The following PDE4B variants were observed in gnomAD, a reference collection of about 807,000 sequenced individuals.
PDE4B encodes 3',5'-cyclic-AMP phosphodiesterase 4B.
Under a neutral mutation model 82.2 loss-of-function variants are expected in PDE4B, and 20 were observed. The ratio of observed to expected loss-of-function variants is 0.24; its 90% CI spans 0.17 to 0.35. The LOEUF is 0.35. Among genes scored for constraint, PDE4B ranks in the 10% least tolerant of loss-of-function variants. The pLI is 1.00. For synonymous variants in PDE4B, 320 were observed against 318.9 expected, an observed-to-expected ratio of 1.00 and a Z score of -0.04; for missense variants, 655 against 907.2, an observed-to-expected ratio of 0.72 and a Z score of 3.57.
chr1:66,022,285 T>C (rs1392954552), intron 3 of PDE4B, among the ~76,000 whole-genome samples: 4 of 152,164 alleles, frequency 2.6e-5, no homozygotes, highest in Admixed American at 6.5e-5. Context: ...CTTTTCCTAA[T>C]TGAATACCCT....
intron 3 of PDE4B, among the ~76,000 whole-genome samples, chr1:65,988,374 T>TTA (rs930177898): frequency 1.3e-4 from 20 of 152,164 alleles, no homozygotes; most frequent in Non-Finnish European, 2.1e-4. Flanking sequence ...GTTGCTGTAG[T>TTA]TATATATAAC....
chr1:66,192,863 C>T (rs532040701), intron 3 of PDE4B, among the ~76,000 whole-genome samples: 114 of 152,204 alleles, frequency 7.5e-4, no homozygotes, highest in Middle Eastern at 3.4e-3. Flanking sequence ...CTGTGTTAAG[C>T]ACCAAACATA....
intron 3 of PDE4B, among the ~76,000 whole-genome samples, chr1:66,055,947 A>G (rs1295813495): frequency 6.6e-6 from 1 of 152,206 alleles, no homozygotes; most frequent in Non-Finnish European, 1.5e-5. Flanking sequence ...TTTCAACAGA[A>G]CTACCACTTT....
intron 1 of PDE4B, among the ~76,000 whole-genome samples, chr1:65,890,178 CTTATT>C (rs57639895): frequency 0.15 from 22,545 of 150,596 alleles, 1,962 homozygotes; most frequent in South Asian, 0.21. Context: ...ATTATCTTTG[CTTATT>C]TTAAAGTTTT....
At chr1:66,243,485 C>T (rs1653050056) in intron 3 of PDE4B, among the ~76,000 whole-genome samples, 1 of 152,134 alleles carries the variant, frequency 6.6e-6, no homozygotes, top group Admixed American at 6.5e-5. Context: ...AGAATTAAAA[C>T]AGAATTGCAA....
chr1:66,371,094 C>CTATATATATATATATATATA (rs557320202), intron 16 of PDE4B, among the ~76,000 whole-genome samples: 2 of 74,838 alleles, frequency 2.7e-5, no homozygotes, highest in African/African-American at 3.9e-5. Context: ...ACACATCATA[C>CTATATATATATATATATATA]TATATATATA....
intron 3 of PDE4B, among the ~76,000 whole-genome samples, chr1:66,165,794 T>G (rs1646717719): frequency 1.3e-5 from 2 of 152,112 alleles, no homozygotes; most frequent in South Asian, 4.1e-4. Context: ...AAGACTCAAA[T>G]TTTAAGATGG....
At chr1:66,036,197 T>G (rs1654051543) in intron 3 of PDE4B, among the ~76,000 whole-genome samples, 1 of 152,228 alleles carries the variant, frequency 6.6e-6, no homozygotes, top group African/African-American at 2.4e-5. Flanking sequence ...TTGAGTAGTT[T>G]GAGTTCCCTG....
At chr1:65,801,157 G>C (rs1211729227) in intron 1 of PDE4B, among the ~76,000 whole-genome samples, 1 of 152,100 alleles carries the variant, frequency 6.6e-6, no homozygotes, top group East Asian at 1.9e-4. Context: ...CATAGAGCAT[G>C]GATGATCCTG....
chr1:66,235,014 A>G (rs1012422880), intron 3 of PDE4B, among the ~76,000 whole-genome samples: 1 of 152,128 alleles, frequency 6.6e-6, no homozygotes, highest in Admixed American at 6.5e-5. Flanking sequence ...TCTTTAGCTC[A>G]TGAGTTGTTT....
intron 3 of PDE4B, among the ~76,000 whole-genome samples, chr1:66,038,558 A>T (rs1189617880): frequency 1.3e-5 from 2 of 152,154 alleles, no homozygotes; most frequent in African/African-American, 4.8e-5. Context: ...TATGGAGGAA[A>T]AAAAGATATC....
intron 3 of PDE4B, among the ~76,000 whole-genome samples, chr1:66,006,508 G>A (rs1652159191): frequency 6.6e-6 from 1 of 152,172 alleles, no homozygotes; most frequent in African/African-American, 2.4e-5. Context: ...CCACTTGGGA[G>A]GCTGAGGCGA....
chr1:65,995,000 A>G (rs1419804786), intron 3 of PDE4B, among the ~76,000 whole-genome samples: 1 of 152,200 alleles, frequency 6.6e-6, no homozygotes, highest in Non-Finnish European at 1.5e-5. Flanking sequence ...GAACAATTAA[A>G]TGGTATCTGA....
intron 3 of PDE4B, among the ~76,000 whole-genome samples, chr1:66,074,447 G>T (rs530900663): frequency 9.9e-5 from 15 of 152,182 alleles, no homozygotes; most frequent in Non-Finnish European, 1.6e-4. Flanking sequence ...AGTCCTATGA[G>T]CAATGCCTTT....
intron 3 of PDE4B, among the ~76,000 whole-genome samples, chr1:65,987,199 T>A (rs559952987): frequency 2.0e-5 from 3 of 152,226 alleles, no homozygotes; most frequent in African/African-American, 4.8e-5. Flanking sequence ...CTAAGAAACA[T>A]GAAACCATGC....
At chr1:66,080,378 T>C (rs536704383) in intron 3 of PDE4B, among the ~76,000 whole-genome samples, 1 of 152,284 alleles carries the variant, frequency 6.6e-6, no homozygotes. Flanking sequence ...AAGAATATTG[T>C]TATCTTTTTA....
chr1:65,955,041 A>G (rs1649185625), intron 3 of PDE4B, among the ~76,000 whole-genome samples: 1 of 152,120 alleles, frequency 6.6e-6, no homozygotes, highest in African/African-American at 2.4e-5. Context: ...AGAATCGCAA[A>G]CAAGAACACA....
chr1:66,020,622 A>T (rs1035483714), intron 3 of PDE4B, among the ~76,000 whole-genome samples: 22 of 152,208 alleles, frequency 1.4e-4, no homozygotes, highest in Non-Finnish European at 4.4e-5. Context: ...AGCTTCATCC[A>T]TGTCCCTACA....
At chr1:66,228,430 C>T (rs1651640208) in intron 3 of PDE4B, among the ~76,000 whole-genome samples, 3 of 152,114 alleles carry the variant, frequency 2.0e-5, no homozygotes, top group African/African-American at 4.8e-5. Context: ...CAAGACCATC[C>T]TGGCTAACAC....
Sources: allele counts gnomAD v4.1 joint callset (sites outside exome capture counted in the v4.1 genomes callset), GRCh38; gene constraint gnomAD v4.1.1; transcripts MANE v1.5; gene names NCBI Gene and HGNC (gene_info 2026-07-23, HGNC 2026-07-21).